The following DOCK3 variants were observed in gnomAD, a reference collection of about 807,000 sequenced individuals.
DOCK3 encodes dedicator of cytokinesis 3.
DOCK3 carries 60 observed loss-of-function variants against 265.6 expected under a neutral mutation model. The ratio of observed to expected loss-of-function variants is 0.23; its 90% confidence interval spans 0.18 to 0.28. DOCK3 has a LOEUF of 0.28. Among genes scored for constraint, DOCK3 ranks in the 10% least tolerant of loss-of-function variants. The pLI is 1.00. For missense variants in DOCK3, 1,981 were observed against 2,594.3 expected (o/e 0.76, Z 5.14); for synonymous variants, 881 against 938.0 (o/e 0.94, Z 1.11).
chr3:50,803,503 T>C (rs556932978), intron 2 of DOCK3, among the ~76,000 whole-genome samples: 145 of 152,308 alleles, frequency 9.5e-4, no homozygotes, highest in African/African-American at 3.4e-3. Context: ...CAATCTGATT[T>C]CTCTTTCCTT....
rs780086897 is a variant in DOCK3 at position 51,260,237 on chromosome 3, T to G, written c.2266T>G (p.Phe756Val). The G allele has an allele frequency of 6.2e-6, 10 of 1,613,788 alleles. No individual in the cohort carries two copies. The African/African-American group carries it at 6.7e-5, about 11-fold the overall frequency. ...CACTTGTGGAATGGAAGAGGAACAATTCAGATCCAGTATCCAAGAACTTTT... is the reference window on the plus strand; with the variant it reads ...CACTTGTGGAATGGAAGAGGAACAAGTCAGATCCAGTATCCAAGAACTTTT... ...RATCGMEEEQ[F>V]RSSIQELFQS... Residue 756 changes from phenylalanine (F) to valine (V), a missense_variant, in exon 23 of 53, where the codon TTC (phenylalanine) becomes GTC (valine). Physicochemically the swap from Phe to Val is conservative, Grantham distance 50. This residue lies in a region of DOCK3 where 1,357 missense variants were observed against 1,866.8 expected (regional missense o/e 0.73). Transcript: ENST00000266037.
chr3:50,934,183 T>A lies in DOCK3; in HGVS notation c.315+106T>A, dbSNP rs2051229422. ...TTTTAGATTTCTGAATATTTGCAGT[T>A]TATCAAACATATGTTCTTAATATTT... On this transcript the variant is annotated intron_variant, in intron 5 of 52. Coordinates refer to ENST00000266037, the MANE Select transcript of DOCK3 (RefSeq NM_004947.5). 20 of 783,996 alleles carry A rather than the reference T, an allele frequency of 2.6e-5. No homozygotes were observed. In the South Asian group the frequency reaches 4.8e-4, roughly 19 times the overall value. The allele number at this position is 783,996 out of a possible 1,614,324, so 48.6% of individuals were successfully genotyped here. A position where few individuals can be genotyped will look rare whatever the true frequency, so the allele number is the denominator to read the frequency against.
intron 3 of DOCK3, among the ~76,000 whole-genome samples, chr3:50,881,073 A>G (rs1429375788): frequency 1.3e-5 from 2 of 152,226 alleles, no homozygotes; most frequent in African/African-American, 4.8e-5. Flanking sequence ...GACAAAATTC[A>G]ACAGCCCTTC....
rs13314486 is a variant in DOCK3, at chr3:50,897,548, T to C, written c.218+7467T>C. Among the ~76,000 whole-genome samples the C allele has an allele frequency of 7.9e-5, 12 of 152,300 alleles. No homozygotes were observed. In the East Asian group the frequency reaches 1.2e-3, roughly 15 times the overall value. The stretch of plus-strand genomic sequence containing the variant: ...ATAGGCATGGTGAGAGAGGGCATCC[T>C]TGTCTTGTGCCAGTTTTCAAAAGGA... On this transcript the variant is annotated intron_variant, in intron 4 of 52. Transcript: ENST00000266037.
intron 1 of DOCK3, among the ~76,000 whole-genome samples, chr3:50,676,927 T>C (rs750934039): frequency 6.6e-6 from 1 of 152,218 alleles, no homozygotes; most frequent in South Asian, 2.1e-4. Context: ...TCTTTTCCCT[T>C]AGTATTTAGA....
intron 9 of DOCK3, among the ~76,000 whole-genome samples, chr3:51,104,484 A>C (rs1403461222): frequency 6.6e-6 from 1 of 152,222 alleles, no homozygotes; most frequent in Admixed American, 6.5e-5. Flanking sequence ...TGGGAAATGC[A>C]GGCAAAAACA....
At chr3:51,281,109 C>T (rs754527465) in intron 27 of DOCK3, among the ~76,000 whole-genome samples, 1 of 151,776 alleles carries the variant, frequency 6.6e-6, no homozygotes, top group Non-Finnish European at 1.5e-5. Flanking sequence ...TTCTTTATTA[C>T]AGCTAAATAA....
chr3:51,200,297 G>T (rs968101498), intron 12 of DOCK3, among the ~76,000 whole-genome samples: 8 of 151,698 alleles, frequency 5.3e-5, no homozygotes, highest in Non-Finnish European at 1.2e-4. Context: ...AAATTTAGAC[G>T]AATGTATAAC....
In DOCK3 at chr3:50,701,384, A is replaced by T. The variant is rs144117279; in HGVS notation, c.37+26084A>T. On this transcript the variant is annotated intron_variant, in intron 1 of 52. Coordinates refer to ENST00000266037, the MANE Select transcript of DOCK3 (RefSeq NM_004947.5). ...CTTCCCGCCTTGGCCTCCCAAAGTG[A>T]TGGGATTACAGGCATGAGCTTGCTG... Among the ~76,000 whole-genome samples, 36 of 152,152 alleles carry T rather than the reference A, an allele frequency of 2.4e-4. No homozygotes were observed. In the East Asian group the frequency reaches 5.4e-3, roughly 23 times the overall value.
At chr3:50,955,016 G>C (rs1330449715) in intron 5 of DOCK3, among the ~76,000 whole-genome samples, 1 of 151,926 alleles carries the variant, frequency 6.6e-6, no homozygotes, top group Non-Finnish European at 1.5e-5. Context: ...GTAAGGAAGG[G>C]GTCCAGTTTC....
chr3:51,238,438 G>A (rs1380884539), intron 21 of DOCK3, among the ~76,000 whole-genome samples: 1 of 151,924 alleles, frequency 6.6e-6, no homozygotes, highest in Non-Finnish European at 1.5e-5. Context: ...CACCGCGCCT[G>A]GCTGGGTTTT....
At chr3:50,712,675 T>C (rs1325640919) in intron 1 of DOCK3, among the ~76,000 whole-genome samples, 1 of 152,236 alleles carries the variant, frequency 6.6e-6, no homozygotes, top group Admixed American at 6.5e-5. Flanking sequence ...GTCTCATTTT[T>C]ATTCATCTCA....
At chr3:51,052,524 G>C (rs1170079290) in intron 5 of DOCK3, among the ~76,000 whole-genome samples, 1 of 152,158 alleles carries the variant, frequency 6.6e-6, no homozygotes, top group Admixed American at 6.5e-5. Flanking sequence ...GAATGGACTA[G>C]AGTAGACTAG....
At chr3:51,044,090 G>T (rs1272649301) in intron 5 of DOCK3, among the ~76,000 whole-genome samples, 1 of 152,036 alleles carries the variant, frequency 6.6e-6, no homozygotes, top group Non-Finnish European at 1.5e-5. Context: ...ATACCCAAAG[G>T]AATATAAATA....
intron 51 of DOCK3, among the ~76,000 whole-genome samples, chr3:51,379,157 C>A (rs782692666): frequency 2.0e-5 from 3 of 152,210 alleles, no homozygotes; most frequent in Non-Finnish European, 4.4e-5. Flanking sequence ...CCTGGCAGAT[C>A]CCAGAGGCTG....
chr3:50,723,684 A>G (rs1307752903), intron 1 of DOCK3, among the ~76,000 whole-genome samples: 1 of 152,246 alleles, frequency 6.6e-6, no homozygotes, highest in East Asian at 1.9e-4. Context: ...TACACCTTTT[A>G]CAAAAATTAA....
chr3:50,988,688 C>T (rs1287217505), intron 5 of DOCK3, among the ~76,000 whole-genome samples: 1 of 152,210 alleles, frequency 6.6e-6, no homozygotes, highest in African/African-American at 2.4e-5. Flanking sequence ...TGCCGTTTTG[C>T]AGCCGTCACT....
At chr3:50,819,277 G>C (rs1273079284) in intron 2 of DOCK3, among the ~76,000 whole-genome samples, 1 of 152,144 alleles carries the variant, frequency 6.6e-6, no homozygotes, top group East Asian at 1.9e-4. Context: ...CTCTTAGTGT[G>C]ATTTGACTTA....
intron 10 of DOCK3, among the ~76,000 whole-genome samples, chr3:51,148,517 G>T (rs1298881530): frequency 6.6e-6 from 1 of 152,134 alleles, no homozygotes; most frequent in Non-Finnish European, 1.5e-5. Context: ...ATTAATTTTT[G>T]TATAAGGTGT....
Sources: gnomAD v4.1 joint callset for allele counts (sites outside exome capture counted in the v4.1 genomes callset) on GRCh38, gnomAD v4.1.1 for gene constraint, gnomAD v4.1.1 regional missense constraint, MANE v1.5 for transcripts, NCBI Gene and HGNC (gene_info 2026-07-23, HGNC 2026-07-21) for gene names.